Variants in COL11A1 observed in about 807,000 individuals in gnomAD.
COL11A1 encodes collagen alpha-1(XI) chain.
Under a neutral mutation model 265.2 loss-of-function variants are expected in COL11A1, and 74 were observed. The ratio of observed to expected loss-of-function variants is 0.28; its 90% CI spans 0.23 to 0.34. COL11A1 has a LOEUF of 0.34. Among genes scored for constraint, COL11A1 ranks in the 10% least tolerant of loss-of-function variants. COL11A1 has a pLI of 1.00. For synonymous variants in COL11A1, 816 were observed against 727.6 expected, an observed-to-expected ratio of 1.12 and a Z score of -1.96; for missense variants, 2,165 against 2,263.6, an observed-to-expected ratio of 0.96 and a Z score of 0.88.
At position 103,022,745 on chromosome 1, in the gene COL11A1, T is replaced by G; in HGVS notation, c.1242A>C (p.Thr414=). 1 of 1,613,588 alleles carries G rather than the reference T, an allele frequency of 6.2e-7. No individual in the cohort carries two copies. Among genetic ancestry groups the G allele is most frequent in the Non-Finnish European group, 8.5e-7 (1 of 1,179,942 alleles). The part of the protein sequence containing the change: ...GVPAETDITE[T]SINGHGAYGE... Reference sequence around the variant, plus strand: ...ACAGTGCATAGTATCAACTTACGCTTGTTTCTGTAATATCAGTTTCTGCTG... The same window carrying G: ...ACAGTGCATAGTATCAACTTACGCTGGTTTCTGTAATATCAGTTTCTGCTG... Residue 414 remains threonine (T), a synonymous_variant, in exon 8 of 67, where the codon ACA becomes ACC. Transcript: ENST00000370096.
At chr1:103,021,681 TA>T in intron 9 of COL11A1, 25 bp downstream of exon 9, 1 of 1,527,016 alleles carries the variant, frequency 6.5e-7, no homozygotes, top group East Asian at 2.2e-5. Flanking sequence ...TACCAACCTT[TA>T]AAGTGTATTC....
In COL11A1 at chr1:103,003,207, A is replaced by G. The variant is rs1272809472; in HGVS notation, c.1998+8T>C. On this transcript the variant is annotated splice_region_variant and intron_variant, in intron 21 of 66. Transcript: ENST00000370096. The stretch of plus-strand genomic sequence containing the variant: ...TAGAAAATCTTCAATGTTTCCAGCA[A>G]TACATACAGGCTGCCCTGGAGCTCC... 1 of 1,613,588 alleles carries G rather than the reference A, an allele frequency of 6.2e-7. No individual in the cohort carries two copies. Among genetic ancestry groups the G allele is most frequent in the East Asian group, 2.2e-5 (1 of 44,866 alleles).
Position 103,078,984 on chromosome 1 carries a change from T to G in COL11A1, c.275-113A>C, listed in dbSNP as rs12133536. 17,272 of 727,554 alleles carry G rather than the reference T, an allele frequency of 0.024. 290 individuals are homozygous for G. The highest frequency in any genetic ancestry group is 0.032 in the Non-Finnish European group (13,451 of 414,720). The allele number at this position is 727,554 out of a possible 1,614,324, so 45.1% of individuals were successfully genotyped here. Reference sequence around the variant, plus strand: ...ACATGGCCTTTATAAATCAACTAACTTTGAATAGTAAACAGATTAATAAAT... The same window carrying G: ...ACATGGCCTTTATAAATCAACTAACGTTGAATAGTAAACAGATTAATAAAT... On this transcript the variant is annotated intron_variant, in intron 2 of 66. Coordinates refer to ENST00000370096, the MANE Select transcript of COL11A1 (RefSeq NM_001854.4).
chr1:103,085,325 G>C (rs897712187), intron 1 of COL11A1, among the ~76,000 whole-genome samples: 1 of 152,130 alleles, frequency 6.6e-6, no homozygotes, highest in African/African-American at 2.4e-5. Context: ...CATTCAGGAC[G>C]CAGGGCGGGA....
chr1:103,062,997 T>C (rs1286028801), intron 4 of COL11A1, among the ~76,000 whole-genome samples: 1 of 152,038 alleles, frequency 6.6e-6, no homozygotes, highest in South Asian at 2.1e-4. Context: ...GAAATACATA[T>C]GTATAAATGT....
chr1:103,062,460 T>C (rs1670749063), intron 4 of COL11A1, among the ~76,000 whole-genome samples: 1 of 151,916 alleles, frequency 6.6e-6, no homozygotes, highest in Non-Finnish European at 1.5e-5. Flanking sequence ...TCCCAAGGTA[T>C]ATAAAATAAG....
At chr1:103,030,655 T>TA (rs201051599) in intron 5 of COL11A1, among the ~76,000 whole-genome samples, 7,371 of 152,116 alleles carry the variant, frequency 0.048, 336 homozygotes, top group African/African-American at 0.12. Context: ...AAATTTTTTT[T>TA]AAAAACCCTC....
intron 2 of COL11A1, among the ~76,000 whole-genome samples, chr1:103,080,286 A>T (rs1243224749): frequency 6.6e-6 from 1 of 151,914 alleles, no homozygotes; most frequent in Non-Finnish European, 1.5e-5. Flanking sequence ...TTGTCAGATC[A>T]TTTGGCTCAA....
chr1:103,020,158 T>C (rs1388783159), intron 9 of COL11A1, among the ~76,000 whole-genome samples: 4 of 151,648 alleles, frequency 2.6e-5, no homozygotes, highest in South Asian at 2.1e-4. Context: ...CCTGAGGAAT[T>C]GCCACACTGA....
At chr1:102,988,264 C>T (rs1429880846) in intron 29 of COL11A1, among the ~76,000 whole-genome samples, 2 of 152,098 alleles carry the variant, frequency 1.3e-5, no homozygotes, top group Non-Finnish European at 2.9e-5. Context: ...GACCATTTTC[C>T]ATACCCCTAT....
At chr1:102,958,176 T>C (rs1660553113) in intron 41 of COL11A1, among the ~76,000 whole-genome samples, 1 of 152,158 alleles carries the variant, frequency 6.6e-6, no homozygotes. Context: ...GATGTTCTTA[T>C]GCCTTTATTC....
intron 46 of COL11A1, 26 bp from the exon 47 acceptor site, chr1:102,923,415 T>C (rs1288706041): frequency 1.2e-5 from 19 of 1,550,778 alleles, no homozygotes; most frequent in Non-Finnish European, 1.7e-5. Flanking sequence ...AGAAAAATAA[T>C]AAAAGTCACT....
At chr1:103,044,125 A>G (rs989078861) in intron 4 of COL11A1, among the ~76,000 whole-genome samples, 2 of 151,178 alleles carry the variant, frequency 1.3e-5, no homozygotes, top group African/African-American at 4.9e-5. Flanking sequence ...CTTCCTGTCT[A>G]CTTAGAATTC....
intron 66 of COL11A1, 75 bp downstream of exon 66, chr1:102,879,607 TG>T: frequency 7.7e-7 from 1 of 1,298,462 alleles, no homozygotes; most frequent in Non-Finnish European, 1.1e-6. Context: ...GAGAAAAATC[TG>T]GCTAAGGACC....
At chr1:103,024,761 AT>A (rs1479657064) in intron 7 of COL11A1, among the ~76,000 whole-genome samples, 1 of 152,130 alleles carries the variant, frequency 6.6e-6, no homozygotes, top group African/African-American at 2.4e-5. Context: ...ACATAAATCT[AT>A]TTGCCTAATT....
chr1:102,943,473 ACACACACAC>A (rs376246634), intron 42 of COL11A1, among the ~76,000 whole-genome samples: 28,527 of 149,828 alleles, frequency 0.19, 2,971 homozygotes, highest in Middle Eastern at 0.32. Flanking sequence ...ACACACACAC[ACACACACAC>A]ACAAACAACC....
intron 28 of COL11A1, among the ~76,000 whole-genome samples, chr1:102,994,322 CCA>C (rs1664418466): frequency 6.6e-6 from 1 of 151,990 alleles, no homozygotes; most frequent in Admixed American, 6.6e-5. Context: ...GGGTGGATTT[CCA>C]TTGAATGGTT....
chr1:102,932,380 G>T (rs141661219), intron 46 of COL11A1, among the ~76,000 whole-genome samples: 4,835 of 152,180 alleles, frequency 0.032, 104 homozygotes, highest in Middle Eastern at 0.085. Flanking sequence ...ATGAAGTTCT[G>T]GGTTGAAAAT....
intron 58 of COL11A1, among the ~76,000 whole-genome samples, chr1:102,889,890 A>G (rs970276144): frequency 1.3e-5 from 2 of 152,122 alleles, no homozygotes; most frequent in Non-Finnish European, 2.9e-5. Flanking sequence ...AAGTTGAATA[A>G]ATAACAGAAA....
Sources: gnomAD v4.1 joint callset for allele counts (sites outside exome capture counted in the v4.1 genomes callset) on GRCh38, gnomAD v4.1.1 for gene constraint, MANE v1.5 for transcripts, NCBI Gene and HGNC (gene_info 2026-07-23, HGNC 2026-07-21) for gene names.